The following ALK variants were observed in gnomAD, a reference collection of about 807,000 sequenced individuals.
ALK encodes the protein ALK tyrosine kinase receptor.
Under a neutral mutation model 163.1 loss-of-function variants are expected in ALK, and 74 were observed. The observed-to-expected ratio is 0.45, with a 90% CI of 0.38 to 0.55. The LOEUF is 0.55. Among genes scored for constraint, ALK ranks in the 20% least tolerant of loss-of-function variants. The pLI is 0.00. For synonymous variants in ALK, 960 were observed against 843.2 expected (o/e 1.14, Z -2.40); for missense variants, 2,063 against 2,105.3 (o/e 0.98, Z 0.39).
chr2:29,252,343 TCA>T lies in ALK; in HGVS notation c.2042-1078_2042-1077del, dbSNP rs1357128339. The stretch of plus-strand genomic sequence containing the variant: ...TACTTTTACTTAAAATACAAAAATC[TCA>T]TAAGATTGCAGAAATTCCCTTAAAA... On this transcript the variant is annotated intron_variant, in intron 11 of 28. Coordinates refer to ENST00000389048, the MANE Select transcript of ALK (RefSeq NM_004304.5). 3.3e-5 allele frequency among the ~76,000 whole-genome samples: 5 copies of T among 152,318 alleles called. No homozygotes were observed. In the East Asian group the frequency reaches 9.6e-4, roughly 29 times the overall value.
chr2:29,194,389 G>A (rs1311354729), intron 28 of ALK, among the ~76,000 whole-genome samples: 4 of 152,140 alleles, frequency 2.6e-5, no homozygotes, highest in African/African-American at 9.7e-5. Flanking sequence ...GGCCTACAGG[G>A]TTTATTTTTT....
At position 29,222,511 on chromosome 2, in the gene ALK, T is replaced by C. The variant is rs745980716; in HGVS notation, c.3450+6A>G. The C allele has an allele frequency of 1.2e-6, 2 of 1,614,126 alleles. No individual in the cohort carries two copies. The highest frequency in any genetic ancestry group is 3.3e-5 in the Admixed American group (2 of 60,018). On this transcript the variant is annotated splice_donor_region_variant and intron_variant, in intron 21 of 28. Transcript: ENST00000389048. ...AGGGCAGGCTCAAGAGTGAGCCACTTCTTACCTTCACAGCCACTTGCAGGG... is the reference window on the plus strand; with the variant it reads ...AGGGCAGGCTCAAGAGTGAGCCACTCCTTACCTTCACAGCCACTTGCAGGG...
chr2:29,275,247 A>C lies in ALK; in HGVS notation c.1913-20T>G, dbSNP rs1271095168. ...CGCTAACTGCAATAGAGAAGACCCC[A>C]CGGGCTGAGTTAGGTGAGGGTTGAT... On this transcript the variant is annotated intron_variant, in intron 10 of 28. Transcript: ENST00000389048. 1.9e-6 allele frequency: 3 copies of C among 1,614,014 alleles called. No homozygotes were observed. The highest frequency in any genetic ancestry group is 2.5e-6 in the Non-Finnish European group (3 of 1,180,016).
intron 1 of ALK, among the ~76,000 whole-genome samples, chr2:29,830,206 G>C (rs1438502597): frequency 6.6e-6 from 1 of 152,144 alleles, no homozygotes; most frequent in Non-Finnish European, 1.5e-5. Flanking sequence ...TACATGCTTT[G>C]TCCTTCACAA....
intron 5 of ALK, among the ~76,000 whole-genome samples, chr2:29,383,176 C>T (rs1227015698): frequency 3.3e-5 from 5 of 152,124 alleles, no homozygotes; most frequent in Non-Finnish European, 7.4e-5. Flanking sequence ...CTCCACCCTC[C>T]GTTAGGCCCC....
At chr2:29,526,852 G>A (rs943277348) in intron 4 of ALK, among the ~76,000 whole-genome samples, 8 of 152,206 alleles carry the variant, frequency 5.3e-5, no homozygotes, top group African/African-American at 1.9e-4. Context: ...GCAAATACCT[G>A]GTGGCATCTT....
At chr2:29,890,288 G>C (rs1413861778) in intron 1 of ALK, 6 of 149,182 alleles carry the variant, frequency 4.0e-5, no homozygotes, top group Non-Finnish European at 8.9e-5. Flanking sequence ...TACTGTTTCA[G>C]AATGAAACAG....
intron 8 of ALK, among the ~76,000 whole-genome samples, chr2:29,312,668 C>T (rs1232835599): frequency 3.9e-5 from 6 of 152,168 alleles, no homozygotes; most frequent in Non-Finnish European, 7.3e-5. Context: ...TTATGTCCTC[C>T]TGGGCAGAGA....
At chr2:29,393,928 C>G (rs561647586) in intron 4 of ALK, among the ~76,000 whole-genome samples, 2 of 152,298 alleles carry the variant, frequency 1.3e-5, no homozygotes, top group East Asian at 3.9e-4. Flanking sequence ...GGAAACAAAT[C>G]TTAAAAACCC....
At chr2:29,874,845 C>A (rs555167440) in intron 1 of ALK, among the ~76,000 whole-genome samples, 1 of 152,194 alleles carries the variant, frequency 6.6e-6, no homozygotes, top group Non-Finnish European at 1.5e-5. Flanking sequence ...CTAGTGCCCA[C>A]CTTCCCCCTG....
At chr2:29,524,525 A>G (rs1016622759) in intron 4 of ALK, among the ~76,000 whole-genome samples, 1 of 152,262 alleles carries the variant, frequency 6.6e-6, no homozygotes, top group African/African-American at 2.4e-5. Context: ...TTACTCTTCT[A>G]TAAAGGAGGT....
intron 4 of ALK, among the ~76,000 whole-genome samples, chr2:29,447,953 T>A (rs1670727791): frequency 6.6e-6 from 1 of 152,126 alleles, no homozygotes; most frequent in Non-Finnish European, 1.5e-5. Flanking sequence ...AGTGAAAGGG[T>A]GAACAAAAAC....
At chr2:29,297,104 G>T (rs1666210776) in intron 8 of ALK, 47 bp from the exon 9 acceptor site, 4 of 1,611,882 alleles carry the variant, frequency 2.5e-6, no homozygotes, top group Non-Finnish European at 3.4e-6. Context: ...TTGCTGAAAG[G>T]TCCCCTTTCT....
chr2:29,765,509 A>C (rs994306043), intron 1 of ALK, among the ~76,000 whole-genome samples: 10 of 152,078 alleles, frequency 6.6e-5, no homozygotes, highest in Non-Finnish European at 1.5e-4. Context: ...ACAGGGTCCC[A>C]CTACGTTGCC....
chr2:29,290,034 G>A (rs755754609), intron 9 of ALK, among the ~76,000 whole-genome samples: 4 of 152,328 alleles, frequency 2.6e-5, no homozygotes, highest in Non-Finnish European at 5.9e-5. Flanking sequence ...CCATCACCTG[G>A]CACCCAACAC....
At chr2:29,739,612 G>A (rs1679995517) in intron 1 of ALK, among the ~76,000 whole-genome samples, 1 of 151,574 alleles carries the variant, frequency 6.6e-6, no homozygotes, top group South Asian at 2.1e-4. Flanking sequence ...TGATAAACTT[G>A]GATCTGCATT....
chr2:29,275,590 C>G, intron 9 of ALK, 94 bp from the exon 10 acceptor site: 4 of 1,324,262 alleles, frequency 3.0e-6, no homozygotes, highest in Non-Finnish European at 4.3e-6. Flanking sequence ...TCACCTGGCT[C>G]AGAATGTGAG....
chr2:29,232,155 C>T, intron 15 of ALK, 149 bp downstream of exon 15: 1 of 1,161,404 alleles, frequency 8.6e-7, no homozygotes, highest in Non-Finnish European at 1.3e-6. Flanking sequence ...TGCTGCCTGC[C>T]CTCCCTCCCT....
intron 3 of ALK, among the ~76,000 whole-genome samples, chr2:29,628,464 T>C (rs536472412): frequency 3.3e-5 from 5 of 152,278 alleles, no homozygotes; most frequent in Admixed American, 1.3e-4. Context: ...TGCTTCAGGG[T>C]TGCAGCCAAA....
Sources: allele counts gnomAD v4.1 joint callset (sites outside exome capture counted in the v4.1 genomes callset), GRCh38; gene constraint gnomAD v4.1.1; transcripts MANE v1.5; gene names NCBI Gene and HGNC (gene_info 2026-07-23, HGNC 2026-07-21).